The following CRTC1 variants were observed in gnomAD, a reference collection of about 807,000 sequenced individuals.
The protein encoded by CRTC1 is CREB-regulated transcription coactivator 1.
CRTC1 carries 18 observed loss-of-function variants against 66.1 expected under a neutral mutation model. The observed-to-expected ratio is 0.27, with a 90% CI of 0.19 to 0.40. The LOEUF is 0.40. Among genes scored for constraint, CRTC1 ranks in the 10% least tolerant of loss-of-function variants. CRTC1 has a pLI of 1.00. For synonymous variants in CRTC1, 416 were observed against 398.8 expected, an observed-to-expected ratio of 1.04 and a Z score of -0.51; for missense variants, 669 against 887.9, an observed-to-expected ratio of 0.75 and a Z score of 3.13.
chr19:18,761,773 G>C (rs2054619258), intron 8 of CRTC1, among the ~76,000 whole-genome samples: 1 of 152,294 alleles, frequency 6.6e-6, no homozygotes, highest in Admixed American at 6.5e-5. Context: ...GCAGGGCCAG[G>C]GGCAGGCAAG....
At chr19:18,772,103 G>A (rs960029399) in intron 11 of CRTC1, among the ~76,000 whole-genome samples, 1 of 152,168 alleles carries the variant, frequency 6.6e-6, no homozygotes, top group Non-Finnish European at 1.5e-5. Flanking sequence ...ACTGAGGTCA[G>A]CCTCAAACCT....
chr19:18,767,238 G>A (rs893941602), intron 9 of CRTC1, among the ~76,000 whole-genome samples: 29 of 149,792 alleles, frequency 1.9e-4, no homozygotes, highest in African/African-American at 6.6e-4. Context: ...TCACTCTGTC[G>A]CCCAGGCTGG....
chr19:18,766,938 G>A (rs572497025), intron 9 of CRTC1, among the ~76,000 whole-genome samples: 7 of 152,202 alleles, frequency 4.6e-5, no homozygotes, highest in Non-Finnish European at 8.8e-5. Context: ...AAAATTAGGC[G>A]GGTGTAATGG....
At chr19:18,728,436 C>T (rs2053809245) in intron 1 of CRTC1, among the ~76,000 whole-genome samples, 1 of 152,178 alleles carries the variant, frequency 6.6e-6, no homozygotes, top group Admixed American at 6.6e-5. Context: ...TCATTCCTGA[C>T]ACCAAGTCAC....
In CRTC1 at chr19:18,728,815, C is replaced by CTTTTTTTTTTTTTTTTTTTTTTTTTTTT. The variant is rs35465891; in HGVS notation, c.127-14080_127-14079insTTTTTTTTTTTTTTTTTTTTTTTTTTTT. Among the ~76,000 whole-genome samples the CTTTTTTTTTTTTTTTTTTTTTTTTTTTT allele has an allele frequency of 1.1e-4, 9 of 79,374 alleles. 1 individual carries two copies. Among genetic ancestry groups the CTTTTTTTTTTTTTTTTTTTTTTTTTTTT allele is most frequent in the African/African-American group, 1.8e-4 (3 of 16,940 alleles). The allele number at this position is 79,374 out of a possible 152,430, so 52.1% of individuals were successfully genotyped here. A position where few individuals can be genotyped will look rare whatever the true frequency, so the allele number is the denominator to read the frequency against. On this transcript the variant is annotated intron_variant, in intron 1 of 13. Coordinates refer to ENST00000321949, the MANE Select transcript of CRTC1 (RefSeq NM_015321.3). ...ACAGGTGTGAGCCACCTCACCTGGCCTTTTTTTTTTTTTTTGAGACAGAGT... is the reference window on the plus strand; with the variant it reads ...ACAGGTGTGAGCCACCTCACCTGGCCTTTTTTTTTTTTTTTTTTTTTTTTTTTTTTTTTTTTTTTTTTTGAGACAGAGT...
chr19:18,749,500 A>C (rs548429625), intron 4 of CRTC1, among the ~76,000 whole-genome samples: 4 of 152,348 alleles, frequency 2.6e-5, no homozygotes, highest in African/African-American at 9.6e-5. Context: ...CCTGGGCTCA[A>C]GTGATCCTCT....
At chr19:18,721,396 T>C (rs2145629891) in intron 1 of CRTC1, among the ~76,000 whole-genome samples, 1 of 151,294 alleles carries the variant, frequency 6.6e-6, no homozygotes. Context: ...GGTTTCACAG[T>C]GTTAGCCAGG....
chr19:18,765,648 A>C (rs778385202), intron 9 of CRTC1, 120 bp downstream of exon 9: 1 of 965,834 alleles, frequency 1.0e-6, no homozygotes, highest in Non-Finnish European at 1.5e-6. Flanking sequence ...GAATGCTCCC[A>C]ACACTTTTAG....
chr19:18,718,234 C>G (rs1055770552), intron 1 of CRTC1, among the ~76,000 whole-genome samples: 1 of 152,110 alleles, frequency 6.6e-6, no homozygotes, highest in African/African-American at 2.4e-5. Flanking sequence ...CATTTCAGAT[C>G]GATGGAATCT....
At position 18,768,358 on chromosome 19, in the gene CRTC1, C is replaced by A. The variant is rs922007674; in HGVS notation, c.1012-127C>A. On this transcript the variant is annotated intron_variant, in intron 9 of 13. Coordinates refer to ENST00000321949, the MANE Select transcript of CRTC1 (RefSeq NM_015321.3). This position sits in a 1 kb window ranked among gnomAD's most constrained non-coding sequence, Gnocchi z 5.6. Reference sequence around the variant, plus strand: ...TCCCTCATCGTGAGGAGCACCCAGCCCAGGGGCTGCCTGTGATCACAGGGC... The same window carrying A: ...TCCCTCATCGTGAGGAGCACCCAGCACAGGGGCTGCCTGTGATCACAGGGC... 5 of 762,842 alleles carry A rather than the reference C, an allele frequency of 6.6e-6. No individual in the cohort carries two copies. In the African/African-American group the frequency reaches 7.2e-5, roughly 11 times the overall value. The allele number at this position is 762,842 out of a possible 1,614,324, so 47.3% of individuals were successfully genotyped here.
At chr19:18,705,095 G>A (rs930588582) in intron 1 of CRTC1, among the ~76,000 whole-genome samples, 15 of 151,314 alleles carry the variant, frequency 9.9e-5, no homozygotes, top group African/African-American at 3.0e-4. Context: ...GTTCGTCCAC[G>A]TTGTAACGTG....
rs570794731 is a variant in CRTC1 at position 18,764,103 on chromosome 19, G to A, written c.887-1301G>A. 2.8e-4 allele frequency among the ~76,000 whole-genome samples: 42 copies of A among 152,294 alleles called. No homozygotes were observed. The South Asian group carries it at 5.8e-3, about 21-fold the overall frequency. On this transcript the variant is annotated intron_variant, in intron 8 of 13. Transcript: ENST00000321949. Reference sequence around the variant, plus strand: ...TCCGAGGGGAAGTGCAGGCGTGACCGAGCTCGCCCCGGTGAGCAGCTGCCC... The same window carrying A: ...TCCGAGGGGAAGTGCAGGCGTGACCAAGCTCGCCCCGGTGAGCAGCTGCCC...
chr19:18,693,958 C>A (rs1293400828), intron 1 of CRTC1, among the ~76,000 whole-genome samples: 1 of 151,926 alleles, frequency 6.6e-6, no homozygotes, highest in Non-Finnish European at 1.5e-5. Flanking sequence ...CATGGTGAAA[C>A]CCTGTCTCTA....
Position 18,768,556 on chromosome 19 carries a change from GCAGCCACCGCCGCAGCCC to G in CRTC1, c.1089_1106del (p.Gln366_Pro371del). ...CCTTCTTCACCCAGGCGGGCTCCCA[GCAGCCACCGCCGCAGCCC>G]CAGCCCCCGCCGCCTCCTCCACCCG... On this transcript the variant is annotated inframe_deletion, in exon 10 of 14. Transcript: ENST00000321949. This position sits in a 1 kb window ranked among gnomAD's most constrained non-coding sequence, Gnocchi z 5.6. 6.2e-7 allele frequency: 1 copy of G among 1,602,942 alleles called. No individual in the cohort carries two copies. Among genetic ancestry groups the G allele is most frequent in the Non-Finnish European group, 8.5e-7 (1 of 1,176,198 alleles).
intron 1 of CRTC1, among the ~76,000 whole-genome samples, chr19:18,736,544 G>A (rs747742172): frequency 6.6e-6 from 1 of 151,994 alleles, no homozygotes; most frequent in Non-Finnish European, 1.5e-5. Flanking sequence ...CCTTGGAGGA[G>A]GCTCAGTGCT....
intron 1 of CRTC1, among the ~76,000 whole-genome samples, chr19:18,687,011 CTTTTTT>C (rs35032428): frequency 8.7e-5 from 9 of 103,434 alleles, no homozygotes; most frequent in Admixed American, 1.1e-4. Context: ...GACTGAGAAA[CTTTTTT>C]TTTTTTTTTT....
At chr19:18,739,596 C>T (rs1464222408) in intron 1 of CRTC1, among the ~76,000 whole-genome samples, 6 of 152,170 alleles carry the variant, frequency 3.9e-5, no homozygotes, top group Non-Finnish European at 7.3e-5. Context: ...GCTGGGTTCA[C>T]GGAGCTCGTC....
At chr19:18,740,654 C>T (rs961438964) in intron 1 of CRTC1, among the ~76,000 whole-genome samples, 20 of 152,284 alleles carry the variant, frequency 1.3e-4, no homozygotes, top group Middle Eastern at 3.4e-3. Context: ...GCCAGCTTAA[C>T]CCTTTTGCTG....
chr19:18,759,813 C>G (rs2054572408), intron 7 of CRTC1, among the ~76,000 whole-genome samples, 195 bp from the exon 8 acceptor site: 1 of 152,090 alleles, frequency 6.6e-6, no homozygotes, highest in African/African-American at 2.4e-5. Context: ...CCCAGGCCCC[C>G]CACCGTCCTC....
Sources: allele counts gnomAD v4.1 joint callset (sites outside exome capture counted in the v4.1 genomes callset), GRCh38; gene constraint gnomAD v4.1.1; non-coding constraint Gnocchi (gnomAD v3.1); transcripts MANE v1.5; gene names NCBI Gene and HGNC (gene_info 2026-07-23, HGNC 2026-07-21).